Variants in KIF12 observed in about 807,000 individuals in gnomAD.
KIF12 encodes the protein kinesin-like protein KIF12.
KIF12 carries 80 observed loss-of-function variants against 87.9 expected under a neutral mutation model. The observed-to-expected ratio is 0.91, with a 90% CI of 0.76 to 1.10. The LOEUF (loss-of-function observed/expected upper bound fraction) is 1.10, where lower values mean the gene tolerates loss of function less well. Ranked by LOEUF, KIF12 falls within the 50% of genes least tolerant of loss-of-function variation. The pLI is 0.00. For synonymous variants in KIF12, 353 were observed against 348.5 expected (o/e 1.01, Z -0.14); for missense variants, 819 against 865.3 (o/e 0.95, Z 0.67).
intron 16 of KIF12, chr9:114,092,920 G>T (rs1372786043): frequency 7.0e-7 from 1 of 1,430,948 alleles, no homozygotes. Context: ...ATAAAGCAAG[G>T]AGCTTGGGGA....
rs763428712 is a variant in KIF12 at position 114,097,653 on chromosome 9, G to T, written c.464C>A (p.Ala155Asp). Residue 155 changes from alanine (A) to aspartate (D), a missense_variant, in exon 6 of 19, where the codon GCC becomes GAC. By Grantham distance (126) the Ala-to-Asp change is moderately radical. Transcript: ENST00000640217. ...WLLDRVQHLG[A>D]PVTLRASYLE... The stretch of plus-strand genomic sequence containing the variant: ...ATAAGAGGCGCGAAGGGTGACAGGG[G>T]CACCCAGGTGCTGCACGCGGTCCAA... The T allele has an allele frequency of 1.4e-5, 22 of 1,614,040 alleles. No individual in the cohort carries two copies. Among genetic ancestry groups the T allele is most frequent in the Non-Finnish European group, 1.7e-5 (20 of 1,179,962 alleles).
chr9:114,092,482 T>A, intron 17 of KIF12, 31 bp from the exon 18 acceptor site: 1 of 1,613,048 alleles, frequency 6.2e-7, no homozygotes. Flanking sequence ...AGATGGGAGG[T>A]GAGCCTTTGA....
In KIF12 at chr9:114,099,159, G is replaced by A; in HGVS notation, c.37C>T (p.Arg13Trp). The change falls in exon 2 of 19, where the codon CGG becomes TGG. Residue 13 changes from arginine (R) to tryptophan (W), a missense_variant. Coordinates refer to ENST00000640217, the MANE Select transcript of KIF12 (RefSeq NM_001388308.1). ...CCCTCTGGCCCTTGCTCCAGGCTCC[G>A]CGCGAGATCCCTGTGGGCAGCAATG... ...ERGSPDGDLA[R>W]SLEQGPEGPE... The A allele has an allele frequency of 8.4e-6, 13 of 1,550,656 alleles. No homozygotes were observed. Among genetic ancestry groups the A allele is most frequent in the Non-Finnish European group, 1.1e-5 (13 of 1,147,024 alleles).
chr9:114,098,410 C>A lies in KIF12; in HGVS notation c.191G>T (p.Gly64Val). 3 of 1,510,358 alleles carry A rather than the reference C, an allele frequency of 2.0e-6. No homozygotes were observed. The highest frequency in any genetic ancestry group is 2.4e-5 in the South Asian group (2 of 81,730). The allele number at this position is 1,510,358 out of a possible 1,614,324, so 93.6% of individuals were successfully genotyped here. Reference sequence around the variant, plus strand: ...ACCGAAGCGGAACGCCACTTCTGGACCCCCGCCTGGAGGACTCACCTGGCG... The same window carrying A: ...ACCGAAGCGGAACGCCACTTCTGGAACCCCGCCTGGAGGACTCACCTGGCG... Reference protein sequence around the residue: ...RTLQVSPPGGGPEVAFRFGAV... With the variant: ...RTLQVSPPGGVPEVAFRFGAV... The change falls in exon 4 of 19, where the codon GGT becomes GTT. Residue 64 changes from glycine (G) to valine (V), a missense_variant. By Grantham distance (109) the Gly-to-Val change is moderately radical. Transcript: ENST00000640217.
rs1346816169 is a variant in KIF12 at position 114,097,347 on chromosome 9, C to G, written c.600G>C (p.Val200=). ...GGGCCTCCAGACTCCCAAATTCCAC[C>G]ACCCGCAGCTGCTCCACATAGAAGC... The part of the protein sequence containing the change: ...TRGFYVEQLR[V]VEFGSLEALM... The change falls in exon 7 of 19, where the codon GTG becomes GTC. Residue 200 remains valine (V), a synonymous_variant. Transcript: ENST00000640217. The G allele has an allele frequency of 6.2e-7, 1 of 1,610,694 alleles. No individual in the cohort carries two copies. Among genetic ancestry groups the G allele is most frequent in the Non-Finnish European group, 8.5e-7 (1 of 1,179,202 alleles).
At chr9:114,097,207 G>C in intron 7 of KIF12, 94 bp downstream of exon 7, 1 of 1,462,942 alleles carries the variant, frequency 6.8e-7, no homozygotes, top group Non-Finnish European at 9.2e-7. Context: ...CATTTCTGAA[G>C]CTGCAGCTGC....
At chr9:114,094,319 T>C (rs746866762) in intron 12 of KIF12, 34 bp downstream of exon 12, 1 of 1,609,790 alleles carries the variant, frequency 6.2e-7, no homozygotes, top group Non-Finnish European at 8.5e-7. Flanking sequence ...CCAGACCCTA[T>C]CCCCATCCTA....
chr9:114,097,654 C>G lies in KIF12; in HGVS notation c.463G>C (p.Ala155Pro). 1 of 1,614,154 alleles carries G rather than the reference C, an allele frequency of 6.2e-7. No homozygotes were observed. The highest frequency in any genetic ancestry group is 8.5e-7 in the Non-Finnish European group (1 of 1,180,026). Residue 155 changes from alanine (A) to proline (P), a missense_variant, in exon 6 of 19, where the codon GCC becomes CCC. By Grantham distance (27) the Ala-to-Pro change is conservative. Transcript: ENST00000640217. ...TAAGAGGCGCGAAGGGTGACAGGGG[C>G]ACCCAGGTGCTGCACGCGGTCCAAC... ...WLLDRVQHLG[A>P]PVTLRASYLE...
At chr9:114,097,814 C>T (rs1847300964) in intron 5 of KIF12, 73 bp from the exon 6 acceptor site, 3 of 1,499,978 alleles carry the variant, frequency 2.0e-6, no homozygotes, top group Non-Finnish European at 2.7e-6. Flanking sequence ...TGTATGATAC[C>T]GTGCGCCGGG....
intron 7 of KIF12, among the ~76,000 whole-genome samples, chr9:114,096,794 G>A (rs1361440536): frequency 6.6e-6 from 1 of 152,200 alleles, no homozygotes; most frequent in Non-Finnish European, 1.5e-5. Flanking sequence ...CACAGTGCTG[G>A]GGCCAGAATC....
chr9:114,096,112 C>T lies in KIF12; in HGVS notation c.834G>A (p.Thr278=), dbSNP rs770228178. The T allele has an allele frequency of 2.4e-5, 38 of 1,613,702 alleles. No homozygotes were observed. In the East Asian group the frequency reaches 2.5e-4, roughly 10 times the overall value. The change falls in exon 9 of 19, where the codon ACG becomes ACA. Residue 278 remains threonine, a synonymous_variant. Coordinates refer to ENST00000640217, the MANE Select transcript of KIF12 (RefSeq NM_001388308.1). ...CAAGCATCAGCTCCCCACGGGATCC[C>T]GTGGCTGCTACCTTCTCACTGCCTG... The part of the protein sequence containing the change: ...DLAGSEKVAA[T]GSRGELMLEA...
At chr9:114,093,767 G>T in intron 14 of KIF12, 119 bp downstream of exon 14, 2 of 847,702 alleles carry the variant, frequency 2.4e-6, no homozygotes. Flanking sequence ...TGGCAGAGCT[G>T]GAAACTGAAC....
chr9:114,098,117 G>C lies in KIF12; in HGVS notation c.373C>G (p.Gln125Glu), dbSNP rs1588508709. Residue 125 changes from glutamine (Q) to glutamate (E), a missense_variant and splice_region_variant, in exon 5 of 19, where the codon CAG (glutamine) becomes GAG (glutamate). Transcript: ENST00000640217. ...KTYTLTGPPP[Q>E]GEGVPVPPSL... ...GGGCGCCGCCGGCGCTCGCTCACCT[G>C]GGGAGGGGGTCCAGTCAGGGTGTAG... is the stretch of plus-strand genomic sequence containing the variant. The C allele has an allele frequency of 1.3e-6, 2 of 1,547,314 alleles. No individual in the cohort carries two copies. The highest frequency in any genetic ancestry group is 2.7e-5 in the African/African-American group (2 of 72,884).
At chr9:114,093,579 C>T (rs1847083203) in intron 14 of KIF12, 82 bp from the exon 15 acceptor site, 17 of 1,121,784 alleles carry the variant, frequency 1.5e-5, no homozygotes, top group Middle Eastern at 2.1e-4. Flanking sequence ...CCAGCTAATA[C>T]TCCTGGATCC....
Position 114,097,447 on chromosome 9 carries a change from A to G in KIF12, c.511-11T>C. 1.9e-6 allele frequency: 3 copies of G among 1,585,602 alleles called. No homozygotes were observed. Among genetic ancestry groups the G allele is most frequent in the Non-Finnish European group, 2.6e-6 (3 of 1,167,078 alleles). The stretch of plus-strand genomic sequence containing the variant: ...CAGCAAGTCCCGAACCTGGGAGGGG[A>G]GGGAGGAGGGTGAGGGAAGGGGATC... On this transcript the variant is annotated splice_polypyrimidine_tract_variant and intron_variant, in intron 6 of 18. Transcript: ENST00000640217.
chr9:114,092,469 G>A lies in KIF12; in HGVS notation c.1698-18C>T, dbSNP rs746117489. 6.2e-7 allele frequency: 1 copy of A among 1,613,662 alleles called. No homozygotes were observed. The highest frequency in any genetic ancestry group is 1.7e-5 in the Admixed American group (1 of 60,000). ...TGTGACTCCTGGGCCAGGGTGAGTT[G>A]GGAGATGGGAGGTGAGCCTTTGAGT... On this transcript the variant is annotated intron_variant, in intron 17 of 18. Coordinates refer to ENST00000640217, the MANE Select transcript of KIF12 (RefSeq NM_001388308.1).
At chr9:114,099,056 C>A in intron 2 of KIF12, 43 bp from the exon 3 acceptor site, 1 of 1,550,442 alleles carries the variant, frequency 6.4e-7, no homozygotes, top group Non-Finnish European at 8.7e-7. Flanking sequence ...CTGATGTCTT[C>A]CTCGATCCTT....
chr9:114,094,681 C>A (rs1847138711), intron 11 of KIF12, among the ~76,000 whole-genome samples: 1 of 152,144 alleles, frequency 6.6e-6, no homozygotes, highest in South Asian at 2.1e-4. Flanking sequence ...GAGTCCAATC[C>A]CAAACTCAGT....
chr9:114,092,952 T>G, intron 16 of KIF12: 1 of 1,422,704 alleles, frequency 7.0e-7, no homozygotes. Context: ...AGTAAGTGAA[T>G]GTATGATTCA....
Sources: allele counts gnomAD v4.1 joint callset (sites outside exome capture counted in the v4.1 genomes callset), GRCh38; gene constraint gnomAD v4.1.1; transcripts MANE v1.5; gene names NCBI Gene and HGNC (gene_info 2026-07-23, HGNC 2026-07-21).